The following COL4A6 variants were observed in gnomAD, a reference collection of about 807,000 sequenced individuals.
COL4A6 encodes collagen alpha-6(IV) chain.
In COL4A6, 59 loss-of-function variants were observed where a neutral mutation model predicts 126.7. The observed-to-expected ratio is 0.47, with a 90% CI of 0.38 to 0.58. COL4A6 has a LOEUF of 0.58. Ranked by LOEUF, COL4A6 falls within the 20% of genes least tolerant of loss-of-function variation. The pLI is 0.00. For synonymous variants in COL4A6, 547 were observed against 496.6 expected, an observed-to-expected ratio of 1.10 and a Z score of -1.35; for missense variants, 1,285 against 1,337.3, an observed-to-expected ratio of 0.96 and a Z score of 0.61.
At chrX:108,417,948 T>C (rs764786703) in intron 2 of COL4A6, among the ~76,000 whole-genome samples, 2 of 112,231 alleles carry the variant, frequency 1.8e-5, no homozygotes, top group East Asian at 5.6e-4. Flanking sequence ...CATTGCCATT[T>C]TAAAAAACAA....
intron 2 of COL4A6, among the ~76,000 whole-genome samples, chrX:108,368,142 G>T (rs189719856): frequency 1.2e-3 from 132 of 108,658 alleles, no homozygotes; most frequent in African/African-American, 4.2e-3. Context: ...GTGTTGTTAG[G>T]CAATTTCATT....
chrX:108,161,531 A>C, intron 42 of COL4A6, 88 bp downstream of exon 42: 3 of 571,117 alleles, frequency 5.3e-6, no homozygotes, highest in Non-Finnish European at 8.6e-6. Flanking sequence ...ATTAAGTTTC[A>C]GACTTGAAGT....
intron 2 of COL4A6, among the ~76,000 whole-genome samples, chrX:108,328,304 CAAT>C (rs2039212584): frequency 9.5e-6 from 1 of 105,467 alleles, no homozygotes; most frequent in Non-Finnish European, 1.9e-5. Flanking sequence ...TTTTGTACAT[CAAT>C]AATGATGGAA....
intron 2 of COL4A6, among the ~76,000 whole-genome samples, chrX:108,371,856 G>GAAA (rs34557947): frequency 2.0e-5 from 1 of 50,610 alleles, no homozygotes; most frequent in Non-Finnish European, 3.6e-5. Context: ...CAATATGAAG[G>GAAA]AAAAAAAAAA....
intron 2 of COL4A6, among the ~76,000 whole-genome samples, chrX:108,317,639 T>A (rs917378916): frequency 2.3e-4 from 26 of 111,554 alleles, no homozygotes; most frequent in African/African-American, 7.5e-4. Context: ...TTCAGCTTTC[T>A]ACATACGGCT....
rs756725029 is a variant in COL4A6, at chrX:108,221,141, G to C, written c.279+99C>G. 4 of 1,108,116 alleles carry C rather than the reference G, an allele frequency of 3.6e-6. No homozygotes were observed. The African/African-American group carries it at 7.2e-5, about 20-fold the overall frequency. The allele number at this position is 1,108,116 out of a possible 1,213,427, so 91.3% of individuals were successfully genotyped here. On this transcript the variant is annotated intron_variant, in intron 4 of 44. Coordinates refer to ENST00000334504, the MANE Select transcript of COL4A6 (RefSeq NM_033641.4). ...ATGCAGCCTGGCACCAAACTACTCA[G>C]GAATGACATCATAAATGAGCAGAAC...
chrX:108,367,759 C>T (rs1344027385), intron 2 of COL4A6, among the ~76,000 whole-genome samples: 1 of 111,135 alleles, frequency 9.0e-6, no homozygotes, highest in African/African-American at 3.3e-5. Context: ...TTACATGTTT[C>T]CAAGCTCCAT....
chrX:108,263,512 C>T (rs1433101322), intron 3 of COL4A6, among the ~76,000 whole-genome samples: 3 of 111,733 alleles, frequency 2.7e-5, no homozygotes, highest in African/African-American at 9.7e-5. Context: ...TGTATTCTAC[C>T]CCCATACTTC....
intron 2 of COL4A6, among the ~76,000 whole-genome samples, chrX:108,395,821 G>A (rs1174610015): frequency 9.0e-6 from 1 of 111,379 alleles, no homozygotes; most frequent in Non-Finnish European, 1.9e-5. Context: ...TAATAAGAGG[G>A]GCTGACGTCA....
At position 108,196,454 on chromosome X, in the gene COL4A6, A is replaced by G. The variant is rs372087294; in HGVS notation, c.903+57T>C. 12 of 1,076,653 alleles carry G rather than the reference A, an allele frequency of 1.1e-5. No individual in the cohort carries two copies. In the African/African-American group the frequency reaches 1.9e-4, roughly 17 times the overall value. The allele number at this position is 1,076,653 out of a possible 1,213,427, so 88.7% of individuals were successfully genotyped here. The stretch of plus-strand genomic sequence containing the variant: ...GCAAAACATAAAGAAGCAAACAGGA[A>G]AGAAAATGGACTAGATGACTTGACA... On this transcript the variant is annotated intron_variant, in intron 14 of 44. Transcript: ENST00000334504.
chrX:108,343,966 C>T (rs2039651182), intron 2 of COL4A6, among the ~76,000 whole-genome samples: 1 of 110,960 alleles, frequency 9.0e-6, no homozygotes. Context: ...TAACTATTAT[C>T]AAGTGGTAGG....
chrX:108,431,265 G>A (rs1206341838), intron 2 of COL4A6, among the ~76,000 whole-genome samples: 1 of 111,747 alleles, frequency 8.9e-6, no homozygotes, highest in Non-Finnish European at 1.9e-5. Context: ...GAAGTATAAG[G>A]AGAACTAGTG....
Position 108,266,559 on chromosome X carries a change from A to G in COL4A6, c.144+44189T>C, listed in dbSNP as rs147632941. 3.7e-3 allele frequency among the ~76,000 whole-genome samples: 415 copies of G among 111,785 alleles called. 1 individual carries two copies. The highest frequency in any genetic ancestry group is 0.013 in the African/African-American group (397 of 30,803). ...TACTTGGGCAAAACCTGAAAGCTCA[A>G]TAAAGACATGCCCTATGTCTATGCT... On this transcript the variant is annotated intron_variant, in intron 3 of 44. Coordinates refer to ENST00000334504, the MANE Select transcript of COL4A6 (RefSeq NM_033641.4).
At chrX:108,329,492 T>C (rs1179740355) in intron 2 of COL4A6, among the ~76,000 whole-genome samples, 1 of 111,794 alleles carries the variant, frequency 8.9e-6, no homozygotes, top group Non-Finnish European at 1.9e-5. Context: ...AATATGAACA[T>C]TGTCTGGATA....
chrX:108,270,964 C>T (rs2037433705), intron 3 of COL4A6, among the ~76,000 whole-genome samples: 2 of 111,675 alleles, frequency 1.8e-5, no homozygotes, highest in African/African-American at 3.3e-5. Context: ...AAAGGCAACG[C>T]GGCTTAGAGC....
chrX:108,157,683 T>TCTCA (rs774435200), intron 44 of COL4A6, among the ~76,000 whole-genome samples: 10 of 111,682 alleles, frequency 9.0e-5, no homozygotes, highest in South Asian at 3.8e-4. Flanking sequence ...CAGAGCCCTC[T>TCTCA]CTCAACCATG....
In COL4A6 at chrX:108,187,924, G is replaced by A; in HGVS notation, c.1691C>T (p.Ser564Phe). 1 of 1,209,970 alleles carries A rather than the reference G, an allele frequency of 8.3e-7. No homozygotes were observed. The highest frequency in any genetic ancestry group is 1.8e-5 in the South Asian group (1 of 56,562). ...GMPGDRGDSG[S>F]QGFRGVIGEP... is the part of the protein sequence containing the mutation. ...TCCTATTACACCACGGAAGCCCTGGGAGCCAGAATCACCCCGATCTCCTGG... is the reference window on the plus strand; with the variant it reads ...TCCTATTACACCACGGAAGCCCTGGAAGCCAGAATCACCCCGATCTCCTGG... Residue 564 changes from serine to phenylalanine, a missense_variant, in exon 22 of 45, where the codon TCC becomes TTC. By Grantham distance (155) the Ser-to-Phe change is radical. Coordinates refer to ENST00000334504, the MANE Select transcript of COL4A6 (RefSeq NM_033641.4).
chrX:108,432,074 G>T (rs73253683), intron 2 of COL4A6, among the ~76,000 whole-genome samples: 1 of 112,454 alleles, frequency 8.9e-6, no homozygotes, highest in Non-Finnish European at 1.9e-5. Context: ...ACCTATGGTG[G>T]TTTTTTATCT....
intron 2 of COL4A6, among the ~76,000 whole-genome samples, chrX:108,418,828 A>C (rs2041480357): frequency 8.9e-6 from 1 of 112,153 alleles, no homozygotes. Context: ...AATCCATATA[A>C]AAACCCAATG....
Sources: gnomAD v4.1 joint callset for allele counts (sites outside exome capture counted in the v4.1 genomes callset) on GRCh38, gnomAD v4.1.1 for gene constraint, MANE v1.5 for transcripts, NCBI Gene and HGNC (gene_info 2026-07-23, HGNC 2026-07-21) for gene names.